Variants in SLC15A4 observed in about 807,000 individuals in gnomAD.
SLC15A4 encodes solute carrier family 15 member 4.
In SLC15A4, 26 loss-of-function variants were observed where a neutral mutation model predicts 46.1. The observed-to-expected ratio is 0.56, with a 90% CI of 0.41 to 0.78. The LOEUF (loss-of-function observed/expected upper bound fraction) is 0.78, where lower values mean the gene tolerates loss of function less well. SLC15A4 is among the 30% of genes least tolerant of loss of function. The pLI is 0.00. For missense variants in SLC15A4, 751 were observed against 755.7 expected (o/e 0.99, Z 0.07); for synonymous variants, 370 against 333.4 (o/e 1.11, Z -1.20).
rs771494243 is a variant in SLC15A4, at chr12:128,799,298, T to C, written c.1534A>G (p.Ile512Val). 6 of 1,614,074 alleles carry C rather than the reference T, an allele frequency of 3.7e-6. No homozygotes were observed. The highest frequency in any genetic ancestry group is 2.2e-5 in the East Asian group (1 of 44,888). ...CTGCTCATCCATCCGATGGCTTTGA[T>C]AGACACCAGTGCCAGCAGTCCAGAA... ...VGSGLLALVS[I>V]KAIGWMSSHT... The change falls in exon 7 of 8, where the codon ATC (isoleucine) becomes GTC (valine). Residue 512 changes from isoleucine (I) to valine (V), a missense_variant. By Grantham distance (29) the Ile-to-Val change is conservative. Transcript: ENST00000266771.
chr12:128,809,649 T>C, intron 3 of SLC15A4, 176 bp from the exon 4 acceptor site: 1 of 566,926 alleles, frequency 1.8e-6, no homozygotes, highest in Non-Finnish European at 3.1e-6. Context: ...TAAAGTCCTC[T>C]GGAGATCAAT....
chr12:128,809,084 C>T (rs938296076), intron 4 of SLC15A4, 128 bp from the exon 5 acceptor site: 9 of 844,872 alleles, frequency 1.1e-5, no homozygotes, highest in African/African-American at 1.0e-4. Context: ...ACAACCTCTT[C>T]AGTTTAGAGA....
rs1955618879 is a variant in SLC15A4, at chr12:128,808,831, G to GA, written c.1214dup (p.Ala406ArgfsTer20). The GA allele has an allele frequency of 6.2e-7, 1 of 1,614,088 alleles. No homozygotes were observed. The stretch of plus-strand genomic sequence containing the variant: ...ACATGACAAAGAACATGCCCACGGC[G>GA]ATCCTCTTCAGGGAGGATGGGAGCA... On this transcript the variant is annotated frameshift_variant, in exon 5 of 8. Coordinates refer to ENST00000266771, the MANE Select transcript of SLC15A4 (RefSeq NM_145648.4). LOFTEE classifies it high-confidence loss of function.
intron 5 of SLC15A4, among the ~76,000 whole-genome samples, chr12:128,807,495 G>A (rs868231363): frequency 1.3e-5 from 2 of 152,212 alleles, no homozygotes; most frequent in African/African-American, 2.4e-5. Flanking sequence ...GTGTGGTGAC[G>A]GGGCACAGAG....
At chr12:128,799,471 G>T in intron 6 of SLC15A4, 54 bp from the exon 7 acceptor site, 1 of 1,594,282 alleles carries the variant, frequency 6.3e-7, no homozygotes, top group Non-Finnish European at 8.6e-7. Flanking sequence ...TTAACACATG[G>T]GATCAAAGCT....
chr12:128,807,293 T>A (rs976169360), intron 5 of SLC15A4, among the ~76,000 whole-genome samples: 7 of 151,960 alleles, frequency 4.6e-5, no homozygotes, highest in Non-Finnish European at 7.4e-5. Context: ...CAAACACATA[T>A]CGAAACCACC....
chr12:128,823,576 A>T lies in SLC15A4; in HGVS notation c.368T>A (p.Leu123Gln). Residue 123 changes from leucine to glutamine, a missense_variant, in exon 1 of 8, where the codon CTG becomes CAG. Leu to Gln is a moderately radical substitution (Grantham distance 113). Coordinates refer to ENST00000266771, the MANE Select transcript of SLC15A4 (RefSeq NM_145648.4). ...YLLGMLAFPL[L>Q]AAPATRAALC... ...CGCGGCTCGCGTGGCGGGCGCGGCC[A>T]GCAGCGGGAAGGCCAGCATGCCCAG... is the stretch of plus-strand genomic sequence containing the variant. 1 of 1,443,910 alleles carries T rather than the reference A, an allele frequency of 6.9e-7. No homozygotes were observed. 89.4% of individuals were successfully genotyped at this position (1,443,910 alleles called of 1,614,324 possible).
intron 5 of SLC15A4, 149 bp downstream of exon 5, chr12:128,808,639 T>G: frequency 1.4e-6 from 1 of 703,542 alleles, no homozygotes; most frequent in Non-Finnish European, 2.4e-6. Context: ...AAATAAAGGA[T>G]TAGTGCTGTA....
intron 1 of SLC15A4, among the ~76,000 whole-genome samples, chr12:128,820,331 T>C (rs1289137802): frequency 6.6e-6 from 1 of 152,192 alleles, no homozygotes; most frequent in African/African-American, 2.4e-5. Flanking sequence ...AAGTGATCTG[T>C]TTTTGTGCCT....
chr12:128,794,381 C>T (rs761163615), intron 7 of SLC15A4, 25 bp from the exon 8 acceptor site: 4 of 1,598,852 alleles, frequency 2.5e-6, no homozygotes, highest in Non-Finnish European at 3.4e-6. Flanking sequence ...AGGAAAGCGG[C>T]AGGTAAGCTG....
chr12:128,822,393 G>A (rs1275969486), intron 1 of SLC15A4, among the ~76,000 whole-genome samples: 1 of 152,210 alleles, frequency 6.6e-6, no homozygotes, highest in African/African-American at 2.4e-5. Flanking sequence ...AGGCAACAAC[G>A]GGGGCTTCCC....
chr12:128,809,190 G>A, intron 4 of SLC15A4: 1 of 592,958 alleles, frequency 1.7e-6, no homozygotes. Flanking sequence ...ACTAAGTAAT[G>A]TTGAATTGAT....
chr12:128,798,569 CAT>C (rs1593003110), intron 7 of SLC15A4, among the ~76,000 whole-genome samples: 1 of 152,182 alleles, frequency 6.6e-6, no homozygotes, highest in East Asian at 1.9e-4. Context: ...GCAAATGCCA[CAT>C]GATTATACAA....
rs1244958327 is a variant in SLC15A4, at chr12:128,796,414, C to T, written c.1574-2058G>A. Among the ~76,000 whole-genome samples the T allele has an allele frequency of 3.8e-5, 4 of 105,248 alleles. No individual in the cohort carries two copies. In the East Asian group the frequency reaches 9.4e-4, roughly 25 times the overall value. 69.0% of individuals were successfully genotyped at this position (105,248 alleles called of 152,430 possible). A position where few individuals can be genotyped will look rare whatever the true frequency, so the allele number is the denominator to read the frequency against. ...ACTGCACTCCAGCCCGGGCAACAAA[C>T]GTGAAACTCCATCTCAAAAAAAAAA... On this transcript the variant is annotated intron_variant, in intron 7 of 7. Coordinates refer to ENST00000266771, the MANE Select transcript of SLC15A4 (RefSeq NM_145648.4).
chr12:128,814,915 G>T lies in SLC15A4; in HGVS notation c.702C>A (p.Gly234=). 1.2e-6 allele frequency: 2 copies of T among 1,614,166 alleles called. No homozygotes were observed. The highest frequency in any genetic ancestry group is 2.2e-5 in the East Asian group (1 of 44,876). The change falls in exon 2 of 8, where the codon GGC becomes GGA. Residue 234 remains glycine, a synonymous_variant. Transcript: ENST00000266771. ...CACAGAGGAAGACCACAAAAGCAAG[G>T]CCGACGCAGACAGTGGGGATCGCAT... ...TGYAIPTVCV[G]LAFVVFLCGQ... is the part of the protein sequence containing the mutation.
At chr12:128,818,286 C>T (rs1460773594) in intron 1 of SLC15A4, among the ~76,000 whole-genome samples, 1 of 152,202 alleles carries the variant, frequency 6.6e-6, no homozygotes, top group African/African-American at 2.4e-5. Flanking sequence ...CAGAAGCCAA[C>T]TAGGCCTCCT....
chr12:128,811,504 G>A (rs1023476150), intron 2 of SLC15A4, among the ~76,000 whole-genome samples: 3 of 152,216 alleles, frequency 2.0e-5, no homozygotes, highest in Non-Finnish European at 4.4e-5. Flanking sequence ...GCTCTACCTG[G>A]GGGCTAAAGG....
chr12:128,812,483 C>A (rs1450553798), intron 2 of SLC15A4, among the ~76,000 whole-genome samples: 1 of 152,130 alleles, frequency 6.6e-6, no homozygotes, highest in Non-Finnish European at 1.5e-5. Context: ...CCACGCCCGG[C>A]TAATTTTTTG....
chr12:128,823,843 C>T lies in SLC15A4; in HGVS notation c.101G>A (p.Arg34His), dbSNP rs1242935430. Residue 34 changes from arginine to histidine, a missense_variant, in exon 1 of 8, where the codon CGC becomes CAC. Arg to His is a conservative substitution (Grantham distance 29). Coordinates refer to ENST00000266771, the MANE Select transcript of SLC15A4 (RefSeq NM_145648.4). ...CAGCAGCACGGCCCCGCACGCCGCG[C>T]GCCGGCCCGCGAACGCCCCAGCCGC... ...AAAAGAFAGR[R>H]AACGAVLLTE... The T allele has an allele frequency of 7.7e-6, 10 of 1,302,608 alleles. No individual in the cohort carries two copies. The highest frequency in any genetic ancestry group is 7.9e-6 in the Non-Finnish European group (8 of 1,012,094). 80.7% of individuals were successfully genotyped at this position (1,302,608 alleles called of 1,614,324 possible).
Sources: allele counts gnomAD v4.1 joint callset (sites outside exome capture counted in the v4.1 genomes callset), GRCh38; gene constraint gnomAD v4.1.1; transcripts MANE v1.5; gene names NCBI Gene and HGNC (gene_info 2026-07-23, HGNC 2026-07-21).